The following SLA variants were observed in gnomAD, a reference collection of about 807,000 sequenced individuals.
SLA encodes Src like adaptor.
SLA carries 16 observed loss-of-function variants against 30.3 expected under a neutral mutation model. The observed-to-expected ratio is 0.53, with a 90% CI of 0.36 to 0.80. SLA has a LOEUF of 0.80. SLA is among the 30% of genes least tolerant of loss of function. The pLI is 0.01. For missense variants in SLA, 310 were observed against 345.2 expected, an observed-to-expected ratio of 0.90 and a Z score of 0.81; for synonymous variants, 143 against 137.8, an observed-to-expected ratio of 1.04 and a Z score of -0.26.
intron 1 of SLA, among the ~76,000 whole-genome samples, chr8:133,090,507 T>A (rs573235003): frequency 3.9e-5 from 6 of 152,362 alleles, no homozygotes; most frequent in Non-Finnish European, 7.3e-5. Context: ...GCTTTGCATG[T>A]AGAGGCACTT....
chr8:133,055,094 G>A (rs922666944), intron 3 of SLA, among the ~76,000 whole-genome samples: 3 of 151,976 alleles, frequency 2.0e-5, no homozygotes, highest in African/African-American at 2.4e-5. Flanking sequence ...GGTCCTTCAC[G>A]GAGCCACACG....
intron 2 of SLA, 173 bp from the exon 3 acceptor site, chr8:133,060,373 C>G (rs1370952267): frequency 3.9e-6 from 6 of 1,530,030 alleles, no homozygotes; most frequent in Non-Finnish European, 5.3e-6. Flanking sequence ...TTGCGCAGCT[C>G]AAGTTCTTTT....
intron 7 of SLA, among the ~76,000 whole-genome samples, chr8:133,043,948 A>G (rs1032031803): frequency 2.6e-5 from 4 of 152,206 alleles, no homozygotes; most frequent in African/African-American, 7.2e-5. Flanking sequence ...CCGCTGGGTA[A>G]AAGTGGCTGG....
chr8:133,099,210 G>A (rs58273296), intron 1 of SLA, among the ~76,000 whole-genome samples: 8,544 of 152,264 alleles, frequency 0.056, 768 homozygotes, highest in African/African-American at 0.19. Flanking sequence ...CTCCATGGCG[G>A]TCATCCCAGA....
At chr8:133,087,920 T>G (rs1183717960) in intron 1 of SLA, 1 of 152,244 alleles carries the variant, frequency 6.6e-6, no homozygotes, top group Non-Finnish European at 1.5e-5. Context: ...CACCTGCTAC[T>G]GGCAGGATTT....
In SLA at chr8:133,037,599, C is replaced by T. The variant is rs922836636; in HGVS notation, c.*925G>A. ...TGTTTATACATTTTTTCCCTGTCTA[C>T]ACTGTGAACACCTCTGTTGGGGGTT... On this transcript the variant is annotated 3_prime_UTR_variant, in exon 9 of 9. Coordinates refer to ENST00000338087, the MANE Select transcript of SLA (RefSeq NM_001045556.3). 2 of 151,794 alleles carry T rather than the reference C, an allele frequency of 1.3e-5. No individual in the cohort carries two copies. Among genetic ancestry groups the T allele is most frequent in the Admixed American group, 1.3e-4 (2 of 15,248 alleles). The allele number at this position is 151,794 out of a possible 1,614,324, so 9.4% of individuals were successfully genotyped here. A position where few individuals can be genotyped will look rare whatever the true frequency, so the allele number is the denominator to read the frequency against.
intron 8 of SLA, among the ~76,000 whole-genome samples, chr8:133,039,791 G>A (rs756150141): frequency 5.9e-5 from 9 of 152,156 alleles, no homozygotes; most frequent in Non-Finnish European, 1.2e-4. Flanking sequence ...CACACACCTC[G>A]TGAGGCCTGA....
At chr8:133,047,694 T>C (rs1839694608) in intron 6 of SLA, 136 bp downstream of exon 6, 1 of 691,640 alleles carries the variant, frequency 1.4e-6, no homozygotes, top group Non-Finnish European at 2.7e-6. Flanking sequence ...GCGTGTGGGC[T>C]GCAGGGAGCT....
At chr8:133,099,314 C>T (rs190002542) in intron 1 of SLA, among the ~76,000 whole-genome samples, 17 of 152,346 alleles carry the variant, frequency 1.1e-4, no homozygotes, top group Admixed American at 2.6e-4. Context: ...CCTTGGGACA[C>T]GCATTAGTGA....
intron 2 of SLA, chr8:133,060,438 G>T: frequency 4.3e-6 from 6 of 1,406,504 alleles, no homozygotes; most frequent in Non-Finnish European, 5.7e-6. Context: ...AAATGCTGTT[G>T]GTGGCAAAAG....
At chr8:133,101,168 C>CTTA in intron 1 of SLA, among the ~76,000 whole-genome samples, 2 of 152,066 alleles carry the variant, frequency 1.3e-5, no homozygotes, top group Non-Finnish European at 2.9e-5. Flanking sequence ...CACCTTACCC[C>CTTA]CACCATACGC....
chr8:133,080,305 C>T (rs979097325), intron 1 of SLA, among the ~76,000 whole-genome samples: 2 of 152,162 alleles, frequency 1.3e-5, no homozygotes, highest in African/African-American at 4.8e-5. Context: ...AGTCTTTCCA[C>T]TCACTCTATG....
chr8:133,049,341 C>T, intron 5 of SLA: 1 of 339,702 alleles, frequency 2.9e-6, no homozygotes, highest in South Asian at 2.3e-5. Flanking sequence ...TAGAATAGAG[C>T]TAATATTTAT....
At chr8:133,055,361 GCGCGCACACACACACACACA>G (rs1188984109) in intron 3 of SLA, among the ~76,000 whole-genome samples, 8,019 of 131,598 alleles carry the variant, frequency 0.061, 554 homozygotes, top group African/African-American at 0.16. Context: ...ACACACGCAC[GCGCGCACACACACACACACA>G]CACACACACA....
intron 1 of SLA, among the ~76,000 whole-genome samples, chr8:133,097,120 G>A (rs745773788): frequency 6.6e-5 from 10 of 152,228 alleles, no homozygotes; most frequent in Non-Finnish European, 1.2e-4. Context: ...AACTCTGGGC[G>A]TGGGTGGAGT....
intron 2 of SLA, among the ~76,000 whole-genome samples, chr8:133,070,010 AAAAAAAAAAAAAAAAAG>A: frequency 8.4e-6 from 1 of 118,554 alleles, no homozygotes; most frequent in Non-Finnish European, 1.9e-5. Flanking sequence ...CCAAAAAAAA[AAAAAAAAAAAAAAAAAG>A]AAAGAAAGAA....
chr8:133,042,747 A>G (rs1838542457), intron 7 of SLA, among the ~76,000 whole-genome samples: 1 of 125,760 alleles, frequency 8.0e-6, no homozygotes, highest in Non-Finnish European at 1.6e-5. Flanking sequence ...AAGCTGGAGT[A>G]CAGCAGCACT....
chr8:133,081,658 C>A, intron 1 of SLA, among the ~76,000 whole-genome samples: 1 of 152,202 alleles, frequency 6.6e-6, no homozygotes, highest in East Asian at 1.9e-4. Flanking sequence ...TATGTTGATT[C>A]GTTCAAGCTG....
chr8:133,081,157 A>T (rs994013077), intron 1 of SLA, among the ~76,000 whole-genome samples: 1 of 152,222 alleles, frequency 6.6e-6, no homozygotes, highest in Non-Finnish European at 1.5e-5. Context: ...GGCGCATAGG[A>T]CGGGACCCAC....
Sources: gnomAD v4.1 joint callset for allele counts (sites outside exome capture counted in the v4.1 genomes callset) on GRCh38, gnomAD v4.1.1 for gene constraint, MANE v1.5 for transcripts, NCBI Gene and HGNC (gene_info 2026-07-23, HGNC 2026-07-21) for gene names.